ENTPD5: variants seen among roughly 807,000 people sequenced by gnomAD.
ENTPD5 encodes the protein ectonucleoside triphosphate diphosphohydrolase 5 (inactive), also known as nucleoside diphosphate phosphatase ENTPD5.
A neutral mutation model predicts 60.2 loss-of-function variants in ENTPD5; 49 were observed. That is an observed-to-expected ratio of 0.81 (90% CI 0.65 to 1.03). The LOEUF (loss-of-function observed/expected upper bound fraction) is 1.03. ENTPD5 is among the 50% of genes least tolerant of loss of function. The probability of loss-of-function intolerance (pLI) is 0.00; values close to 1 mark genes in which losing one functional copy is unlikely to be tolerated. For missense variants in ENTPD5, 480 were observed against 507.6 expected (o/e 0.95, Z 0.52); for synonymous variants, 187 against 185.4 (o/e 1.01, Z -0.07).
intron 4 of ENTPD5, chr14:73,987,244 C>A (rs184315977): frequency 1.5e-6 from 1 of 675,078 alleles, no homozygotes; most frequent in African/African-American, 1.8e-5. Context: ...GATCCTTCTC[C>A]CAAAACCACT....
chr14:73,958,787 T>G, downstream of ENTPD5: 1 of 1,500,774 alleles, frequency 6.7e-7, no homozygotes, highest in Non-Finnish European at 8.9e-7. Flanking sequence ...TTTGGCTCTG[T>G]TGGCTGAGGC....
chr14:73,964,626 C>T lies in ENTPD5; in HGVS notation c.*2302G>A, dbSNP rs1218302617. On this transcript the variant is annotated 3_prime_UTR_variant, in exon 16 of 16. Coordinates refer to ENST00000334696, the MANE Select transcript of ENTPD5 (RefSeq NM_001249.5). The stretch of plus-strand genomic sequence containing the variant: ...ACAGTCTTTAGTGAACACAGCTTAC[C>T]TCTTTTAAAACTGCTGGTTTCTACT... The T allele has an allele frequency of 6.6e-6, 1 of 152,184 alleles. No individual in the cohort carries two copies. The highest frequency in any genetic ancestry group is 2.4e-5 in the African/African-American group (1 of 41,434). The allele number at this position is 152,184 out of a possible 1,614,324, so 9.4% of individuals were successfully genotyped here.
At chr14:73,974,843 G>A in intron 11 of ENTPD5, 81 bp downstream of exon 11, 1 of 1,094,956 alleles carries the variant, frequency 9.1e-7, no homozygotes. Context: ...TTCATAGAAT[G>A]GCTATCAAGG....
rs758510519 is a variant in ENTPD5 at position 73,972,905 on chromosome 14, C to A, written c.1006G>T (p.Ala336Ser). The A allele has an allele frequency of 1.2e-6, 2 of 1,614,152 alleles. No individual in the cohort carries two copies. The highest frequency in any genetic ancestry group is 2.2e-5 in the South Asian group (2 of 91,080). The change falls in exon 13 of 16, where the codon GCT (alanine) becomes TCT (serine). Residue 336 changes from alanine to serine, a missense_variant. By Grantham distance (99) the Ala-to-Ser change is moderately conservative (BLOSUM62 1). Transcript: ENST00000334696. ...FYAFSYYYDR[A>S]VDTDMIDYEK... The stretch of plus-strand genomic sequence containing the variant: ...TCACCAATCATGTCTGTGTCAACAG[C>A]TCGGTCATAATAGTAAGAGAAAGCA...
chr14:73,999,439 G>C (rs1359053853), intron 3 of ENTPD5, among the ~76,000 whole-genome samples: 2 of 151,870 alleles, frequency 1.3e-5, no homozygotes, highest in East Asian at 3.9e-4. Context: ...AGTGAGCCAA[G>C]ATCACAGGAT....
At chr14:74,016,927 C>T (rs2059031589) in intron 1 of ENTPD5, among the ~76,000 whole-genome samples, 1 of 152,178 alleles carries the variant, frequency 6.6e-6, no homozygotes, top group South Asian at 2.1e-4. Context: ...TTAATGGTAA[C>T]TTTATAGATT....
intron 9 of ENTPD5, 74 bp from the exon 10 acceptor site, chr14:73,976,089 C>T: frequency 1.6e-6 from 2 of 1,255,594 alleles, no homozygotes; most frequent in South Asian, 1.2e-5. Flanking sequence ...ACCACCCGTC[C>T]CTCCCAGCAA....
At chr14:73,985,358 A>C (rs1038824689) in intron 5 of ENTPD5, among the ~76,000 whole-genome samples, 1 of 152,182 alleles carries the variant, frequency 6.6e-6, no homozygotes, top group African/African-American at 2.4e-5. Flanking sequence ...AGTCCCACCA[A>C]CAGTGTAAGA....
chr14:74,013,083 T>C (rs561777752), intron 2 of ENTPD5, among the ~76,000 whole-genome samples: 4 of 152,324 alleles, frequency 2.6e-5, no homozygotes, highest in Admixed American at 2.0e-4. Flanking sequence ...CTGGAGGGCA[T>C]AGACTGCTGG....
chr14:74,002,388 G>T (rs1014295543), intron 3 of ENTPD5, among the ~76,000 whole-genome samples: 7 of 152,106 alleles, frequency 4.6e-5, no homozygotes, highest in Admixed American at 2.6e-4. Flanking sequence ...ATCAGGATGT[G>T]AAAGTCTTAC....
At chr14:73,967,187 C>G (rs1034041856) in intron 15 of ENTPD5, among the ~76,000 whole-genome samples, 173 bp from the exon 16 acceptor site, 6 of 152,258 alleles carry the variant, frequency 3.9e-5, no homozygotes, top group Admixed American at 3.3e-4. Flanking sequence ...TCCTTCCGGC[C>G]ATGGCCCATT....
At chr14:73,968,080 C>A (rs2057062354) in intron 15 of ENTPD5, among the ~76,000 whole-genome samples, 1 of 151,646 alleles carries the variant, frequency 6.6e-6, no homozygotes, top group Non-Finnish European at 1.5e-5. Context: ...GCTGAGATTG[C>A]ACCATTGCAC....
In ENTPD5 at chr14:73,986,896, AT is replaced by A. The variant is rs2057924134; in HGVS notation, c.218-4del. The A allele has an allele frequency of 6.2e-7, 1 of 1,612,652 alleles. No individual in the cohort carries two copies. Among genetic ancestry groups the A allele is most frequent in the African/African-American group, 1.3e-5 (1 of 74,908 alleles). On this transcript the variant is annotated splice_polypyrimidine_tract_variant and splice_region_variant and intron_variant, in intron 4 of 15. Transcript: ENST00000334696. ...CCCTTCTAGAATTGGAAGCTGTCCT[AT>A]TTTGTCCATGGAACAAAACAGAAGA... is the stretch of plus-strand genomic sequence containing the variant.
downstream of ENTPD5, chr14:73,960,133 A>T (rs188155543): frequency 1.0e-6 from 1 of 992,008 alleles, no homozygotes; most frequent in East Asian, 1.1e-4. Context: ...GGTTGCAGCT[A>T]CCTGAACCTT....
downstream of ENTPD5, chr14:73,956,050 T>A: frequency 6.9e-7 from 1 of 1,459,258 alleles, no homozygotes; most frequent in Non-Finnish European, 9.5e-7. Context: ...GATGGCCGGG[T>A]GCGGTGGCTC....
In ENTPD5 at chr14:73,979,656, A is replaced by G. The variant is rs1350756644; in HGVS notation, c.442-2282T>C. 5.3e-5 allele frequency among the ~76,000 whole-genome samples: 8 copies of G among 152,030 alleles called. No homozygotes were observed. In the East Asian group the frequency reaches 1.6e-3, roughly 30 times the overall value. Reference sequence around the variant, plus strand: ...CTGGCTAATTTTGTGTATTTTTAGTAGAGACGGGGTTTCACCGTGTTAGCC... The same window carrying G: ...CTGGCTAATTTTGTGTATTTTTAGTGGAGACGGGGTTTCACCGTGTTAGCC... On this transcript the variant is annotated intron_variant, in intron 6 of 15. Coordinates refer to ENST00000334696, the MANE Select transcript of ENTPD5 (RefSeq NM_001249.5).
intron 11 of ENTPD5, 93 bp from the exon 12 acceptor site, chr14:73,974,071 A>G: frequency 2.0e-6 from 2 of 998,470 alleles, no homozygotes; most frequent in African/African-American, 1.6e-5. Flanking sequence ...AAGAATCACC[A>G]TGGGGGCTGG....
In ENTPD5 at chr14:73,976,268, C is replaced by T. The variant is rs149353624; in HGVS notation, c.642+56G>A. On this transcript the variant is annotated intron_variant, in intron 9 of 15. Coordinates refer to ENST00000334696, the MANE Select transcript of ENTPD5 (RefSeq NM_001249.5). ...TGAAAATGGGGCGCCTCTTTCTTGG[C>T]ACCATGATACGCCTGCCAAGTGCAC... 3.7e-4 allele frequency: 548 copies of T among 1,496,480 alleles called. 1 individual carries two copies. The highest frequency in any genetic ancestry group is 4.8e-4 in the Non-Finnish European group (519 of 1,074,686). The allele number at this position is 1,496,480 out of a possible 1,614,324, so 92.7% of individuals were successfully genotyped here. A position where few individuals can be genotyped will look rare whatever the true frequency, so the allele number is the denominator to read the frequency against.
downstream of ENTPD5, chr14:73,960,777 T>G: frequency 5.1e-6 from 2 of 390,780 alleles, no homozygotes; most frequent in Admixed American, 4.0e-5. Flanking sequence ...CTGGAGGAGT[T>G]AAAAAGAGGC....
Sources: gnomAD v4.1 joint callset for allele counts (sites outside exome capture counted in the v4.1 genomes callset) on GRCh38, gnomAD v4.1.1 for gene constraint, MANE v1.5 for transcripts, NCBI Gene and HGNC (gene_info 2026-07-23, HGNC 2026-07-21) for gene names.